Variants in RNF130 observed in about 807,000 individuals in gnomAD.
The protein encoded by RNF130 is ring finger protein 130.
In RNF130, 21 loss-of-function variants were observed where a neutral mutation model predicts 44.6. That is an observed-to-expected ratio of 0.47 (90% CI 0.33 to 0.68). The LOEUF is 0.68. Ranked by LOEUF, RNF130 falls within the 30% of genes least tolerant of loss-of-function variation. RNF130 has a pLI of 0.02. For missense variants in RNF130, 479 were observed against 560.6 expected (o/e 0.85, Z 1.47); for synonymous variants, 214 against 210.4 (o/e 1.02, Z -0.15).
chr5:179,957,998 C>T (rs569038366), intron 8 of RNF130, among the ~76,000 whole-genome samples: 4 of 151,214 alleles, frequency 2.6e-5, no homozygotes, highest in Admixed American at 6.6e-5. Flanking sequence ...CTGCCTCAGC[C>T]TCCCAAGTAG....
intron 3 of RNF130, among the ~76,000 whole-genome samples, chr5:179,998,857 T>TATATATATATATATATATA (rs1554103671): frequency 4.6e-5 from 3 of 65,226 alleles, no homozygotes; most frequent in African/African-American, 1.3e-4. Context: ...ATCTAGTATT[T>TATATATATATATATATATA]TTTATATATA....
At chr5:180,009,665 A>G (rs1763540619) in intron 3 of RNF130, among the ~76,000 whole-genome samples, 1 of 152,250 alleles carries the variant, frequency 6.6e-6, no homozygotes, top group African/African-American at 2.4e-5. Context: ...TGAGTCTAAC[A>G]GTTTCCTACA....
At chr5:179,991,396 C>A (rs924327887) in intron 3 of RNF130, among the ~76,000 whole-genome samples, 1 of 152,194 alleles carries the variant, frequency 6.6e-6, no homozygotes, top group Admixed American at 6.5e-5. Context: ...TCTTGCTAAA[C>A]GAGTTAAGTT....
At chr5:179,996,582 GTTC>G (rs972735070) in intron 3 of RNF130, among the ~76,000 whole-genome samples, 11 of 152,120 alleles carry the variant, frequency 7.2e-5, no homozygotes, top group African/African-American at 2.7e-4. Context: ...CATGGTTTTT[GTTC>G]TTCATTCTGT....
At chr5:179,964,835 C>T (rs1248852180) in intron 7 of RNF130, among the ~76,000 whole-genome samples, 3 of 152,180 alleles carry the variant, frequency 2.0e-5, no homozygotes, top group Non-Finnish European at 4.4e-5. Flanking sequence ...AGTGCAGCCA[C>T]GGCCTCTCAA....
At chr5:180,070,982 C>CCG (rs1491284093) in intron 1 of RNF130, among the ~76,000 whole-genome samples, 7 of 29,122 alleles carry the variant, frequency 2.4e-4, no homozygotes, top group African/African-American at 6.4e-4. Context: ...TCCATTTACA[C>CCG]CCCCCCCCCA....
chr5:180,002,595 G>A (rs772877525), intron 3 of RNF130, among the ~76,000 whole-genome samples: 11 of 152,150 alleles, frequency 7.2e-5, no homozygotes, highest in Non-Finnish European at 1.2e-4. Context: ...AACCCTGGTG[G>A]TGAGGTCTGT....
At chr5:179,999,172 T>G (rs1561686442) in intron 3 of RNF130, among the ~76,000 whole-genome samples, 1 of 151,414 alleles carries the variant, frequency 6.6e-6, no homozygotes, top group Non-Finnish European at 1.5e-5. Flanking sequence ...CAGGTGTGTA[T>G]CACCATGCCG....
chr5:179,950,271 C>G (rs994495557), downstream of RNF130, among the ~76,000 whole-genome samples: 4 of 152,056 alleles, frequency 2.6e-5, no homozygotes, highest in African/African-American at 9.7e-5. Context: ...CACCTGCCAC[C>G]ACGCCTGGCT....
intron 2 of RNF130, among the ~76,000 whole-genome samples, chr5:180,028,355 C>T (rs990047380): frequency 4.6e-5 from 7 of 152,186 alleles, no homozygotes; most frequent in Non-Finnish European, 1.0e-4. Context: ...AAACAATTAG[C>T]ATATAGAATC....
At chr5:180,008,060 C>A (rs1190602478) in intron 3 of RNF130, among the ~76,000 whole-genome samples, 1 of 146,608 alleles carries the variant, frequency 6.8e-6, no homozygotes, top group East Asian at 2.0e-4. Context: ...CTGCCTGGGG[C>A]CCTCAAGACA....
intron 8 of RNF130, 64 bp from the exon 9 acceptor site, chr5:179,955,733 A>T (rs1253662288): frequency 7.3e-7 from 1 of 1,367,426 alleles, no homozygotes; most frequent in Non-Finnish European, 1.0e-6. Flanking sequence ...AAAATAACAG[A>T]GAAGTGACCC....
chr5:180,003,546 T>C (rs1170185655), intron 3 of RNF130, among the ~76,000 whole-genome samples: 1 of 152,240 alleles, frequency 6.6e-6, no homozygotes, highest in Non-Finnish European at 1.5e-5. Context: ...TATTACTACC[T>C]TCTTCTGAAT....
chr5:180,048,389 A>T (rs955660798), intron 1 of RNF130, among the ~76,000 whole-genome samples: 3 of 152,216 alleles, frequency 2.0e-5, no homozygotes, highest in Admixed American at 1.3e-4. Context: ...CAAAGGCTAC[A>T]GGATTAACCT....
chr5:179,972,756 A>G (rs1762614195), intron 5 of RNF130, among the ~76,000 whole-genome samples: 1 of 152,144 alleles, frequency 6.6e-6, no homozygotes, highest in Non-Finnish European at 1.5e-5. Flanking sequence ...TACTATCCAG[A>G]AAGAACCAAA....
chr5:180,052,015 G>C (rs1295618413), intron 1 of RNF130, among the ~76,000 whole-genome samples: 2 of 152,142 alleles, frequency 1.3e-5, no homozygotes, highest in Non-Finnish European at 2.9e-5. Flanking sequence ...AGGAATTACA[G>C]TACTGAGTAC....
intron 7 of RNF130, among the ~76,000 whole-genome samples, chr5:179,934,914 T>G (rs996938142): frequency 6.6e-6 from 1 of 152,304 alleles, no homozygotes; most frequent in South Asian, 2.1e-4. Context: ...CTTTATTTCC[T>G]TCCTTTGATT....
At chr5:179,940,394 T>A (rs539966945) in intron 7 of RNF130, among the ~76,000 whole-genome samples, 1 of 152,140 alleles carries the variant, frequency 6.6e-6, no homozygotes, top group South Asian at 2.1e-4. Flanking sequence ...CTAATTTTTA[T>A]ATTTTTAGTA....
chr5:180,023,044 A>T (rs570433258), intron 2 of RNF130, among the ~76,000 whole-genome samples: 1 of 152,352 alleles, frequency 6.6e-6, no homozygotes, highest in Admixed American at 6.5e-5. Context: ...GAGTTCAGTG[A>T]GCTGAATAAT....
Sources: allele counts gnomAD v4.1 joint callset (sites outside exome capture counted in the v4.1 genomes callset), GRCh38; gene constraint gnomAD v4.1.1; transcripts MANE v1.5; gene names NCBI Gene and HGNC (gene_info 2026-07-23, HGNC 2026-07-21).